AFDN: variants seen among roughly 807,000 people sequenced by gnomAD.
The protein encoded by AFDN is afadin, adherens junction formation factor, also known as afadin.
A neutral mutation model predicts 216.6 loss-of-function variants in AFDN; 68 were observed. The observed-to-expected ratio is 0.31, with a 90% confidence interval of 0.26 to 0.38. The LOEUF (loss-of-function observed/expected upper bound fraction) is 0.38. Ranked by LOEUF, AFDN falls within the 10% of genes least tolerant of loss-of-function variation. The pLI, the probability that AFDN is intolerant of heterozygous loss-of-function variation, is 1.00. For synonymous variants in AFDN, 868 were observed against 853.7 expected, an observed-to-expected ratio of 1.02 and a Z score of -0.29; for missense variants, 2,136 against 2,342.0, an observed-to-expected ratio of 0.91 and a Z score of 1.82.
In AFDN at chr6:167,827,033, G is replaced by C; in HGVS notation, c.-100G>C. The stretch of plus-strand genomic sequence containing the variant: ...GGCAGCCGCGGAGGCGGAGGCGGCC[G>C]GCGGGGGGTGGCGAGGGGCGCCGGG... On this transcript the variant is annotated 5_prime_UTR_variant, in exon 1 of 34. Coordinates refer to ENST00000683244, the MANE Select transcript of AFDN (RefSeq NM_001386888.1). 1.4e-5 allele frequency: 6 copies of C among 418,318 alleles called. No homozygotes were observed. The highest frequency in any genetic ancestry group is 1.6e-5 in the Non-Finnish European group (5 of 311,032). The allele number at this position is 418,318 out of a possible 1,614,324, so 25.9% of individuals were successfully genotyped here.
intron 1 of AFDN, among the ~76,000 whole-genome samples, chr6:167,834,450 T>C (rs1780175792): frequency 6.9e-6 from 1 of 143,954 alleles, no homozygotes; most frequent in African/African-American, 2.6e-5. Flanking sequence ...TTGTTGTTGT[T>C]GTTTCGGTTT....
intron 11 of AFDN, among the ~76,000 whole-genome samples, chr6:167,899,155 G>A (rs1400532958): frequency 2.6e-5 from 4 of 151,856 alleles, no homozygotes; most frequent in Non-Finnish European, 5.9e-5. Flanking sequence ...TTTGTTCTAC[G>A]GCATGCCTTT....
intron 20 of AFDN, among the ~76,000 whole-genome samples, chr6:167,917,760 C>T (rs1393743618): frequency 6.6e-6 from 1 of 152,112 alleles, no homozygotes; most frequent in East Asian, 1.9e-4. Flanking sequence ...ATGGATTGAC[C>T]AGCATTGAGT....
At chr6:167,946,094 G>T (rs528667581) in intron 26 of AFDN, among the ~76,000 whole-genome samples, 25 of 152,196 alleles carry the variant, frequency 1.6e-4, no homozygotes, top group Non-Finnish European at 3.1e-4. Context: ...ACAAAACCTC[G>T]TGTGGTATTG....
intron 23 of AFDN, among the ~76,000 whole-genome samples, chr6:167,926,859 CTATCCCCACTCCCAGACACA>C (rs1231744420): frequency 1.3e-5 from 2 of 152,166 alleles, no homozygotes; most frequent in African/African-American, 4.8e-5. Flanking sequence ...TTCTTTGTAG[CTATCCCCACTCCCAGACACA>C]GTCCCCAGCA....
chr6:167,901,950 G>C (rs936729632), intron 11 of AFDN, among the ~76,000 whole-genome samples: 1 of 151,872 alleles, frequency 6.6e-6, no homozygotes, highest in Non-Finnish European at 1.5e-5. Context: ...ATAATTAGCC[G>C]GGCATGGTGG....
intron 1 of AFDN, among the ~76,000 whole-genome samples, chr6:167,837,643 C>T (rs1321905800): frequency 3.9e-5 from 6 of 152,106 alleles, no homozygotes; most frequent in African/African-American, 7.2e-5. Flanking sequence ...TTTACGTTCT[C>T]CTGTGAGGTA....
chr6:167,913,504 A>C, intron 16 of AFDN, 81 bp downstream of exon 16: 1 of 1,319,966 alleles, frequency 7.6e-7, no homozygotes, highest in Non-Finnish European at 1.1e-6. Flanking sequence ...AATAAGTAAT[A>C]CAACAGCTGG....
At chr6:167,966,147 G>A in intron 32 of AFDN, 102 bp downstream of exon 32, 1 of 1,535,026 alleles carries the variant, frequency 6.5e-7, no homozygotes, top group African/African-American at 1.4e-5. Context: ...GGCCTCCGAT[G>A]GCGTCTTTCT....
At chr6:167,842,149 C>A (rs1781141762) in intron 1 of AFDN, among the ~76,000 whole-genome samples, 1 of 152,158 alleles carries the variant, frequency 6.6e-6, no homozygotes, top group Non-Finnish European at 1.5e-5. Flanking sequence ...TTGCTTCTAT[C>A]CCCAAAACAC....
At position 167,965,909 on chromosome 6, in the gene AFDN, G is replaced by A. The variant is rs1273267554; in HGVS notation, c.5121G>A (p.Ala1707=). ...RDYEPPSPSP[A]PGAPPPPPQR... ...ACGAGCCCCCGTCCCCGTCCCCCGC[G>A]CCCGGCGCCCCTCCTCCCCCGCCTC... is the stretch of plus-strand genomic sequence containing the variant. The change falls in exon 32 of 34, where the codon GCG becomes GCA. Residue 1707 remains alanine, a synonymous_variant. Transcript: ENST00000683244. The A allele has an allele frequency of 3.3e-6, 5 of 1,512,724 alleles. No homozygotes were observed. The highest frequency in any genetic ancestry group is 3.6e-6 in the Non-Finnish European group (4 of 1,123,804). 93.7% of individuals were successfully genotyped at this position (1,512,724 alleles called of 1,614,324 possible). A position where few individuals can be genotyped will look rare whatever the true frequency, so the allele number is the denominator to read the frequency against.
At chr6:167,899,975 A>T (rs1359840498) in intron 11 of AFDN, among the ~76,000 whole-genome samples, 3 of 152,038 alleles carry the variant, frequency 2.0e-5, no homozygotes, top group African/African-American at 7.3e-5. Context: ...ACAATCTCCT[A>T]CTGTATTTTT....
chr6:167,834,458 T>G (rs981676481), intron 1 of AFDN, among the ~76,000 whole-genome samples: 14 of 7,382 alleles, frequency 1.9e-3, no homozygotes, highest in Non-Finnish European at 1.9e-3. Context: ...GTTGTTTCGG[T>G]TTTTTTTTTT....
chr6:167,966,313 G>C, intron 32 of AFDN: 1 of 1,419,974 alleles, frequency 7.0e-7, no homozygotes, highest in East Asian at 3.0e-5. Context: ...TTGTCTTAAT[G>C]ATTGGAACCT....
At position 167,892,347 on chromosome 6, in the gene AFDN, G is replaced by C. The variant is rs767594399; in HGVS notation, c.1177+1318G>C. On this transcript the variant is annotated intron_variant, in intron 8 of 33. Transcript: ENST00000683244. ...TGTCTATAATGTGTGTGAGAGCATT[G>C]ATGTTTGGTTGTCTGAGGTAATGAA... Among the ~76,000 whole-genome samples, 4 of 152,312 alleles carry C rather than the reference G, an allele frequency of 2.6e-5. No homozygotes were observed. The Middle Eastern group carries it at 0.01, about 389-fold the overall frequency.
chr6:167,907,931 A>T (rs1417972437), intron 13 of AFDN, among the ~76,000 whole-genome samples: 1 of 152,214 alleles, frequency 6.6e-6, no homozygotes, highest in Non-Finnish European at 1.5e-5. Flanking sequence ...GCAGAGTAAT[A>T]TCTTTGCATT....
intron 2 of AFDN, among the ~76,000 whole-genome samples, chr6:167,865,698 A>C (rs1275072890): frequency 6.6e-6 from 1 of 152,214 alleles, no homozygotes; most frequent in Non-Finnish European, 1.5e-5. Context: ...TTTTAATAAA[A>C]TACAGATTAC....
chr6:167,960,725 C>T (rs1019354305), intron 30 of AFDN, among the ~76,000 whole-genome samples: 3 of 152,162 alleles, frequency 2.0e-5, no homozygotes, highest in African/African-American at 7.2e-5. Context: ...TTTGCTCTGG[C>T]CCCTGGTGCA....
intron 1 of AFDN, among the ~76,000 whole-genome samples, chr6:167,853,854 A>G (rs1460487537): frequency 6.6e-6 from 1 of 152,076 alleles, no homozygotes; most frequent in Non-Finnish European, 1.5e-5. Flanking sequence ...CACTCAGTGA[A>G]TATACGAGAA....
Sources: allele counts gnomAD v4.1 joint callset (sites outside exome capture counted in the v4.1 genomes callset), GRCh38; gene constraint gnomAD v4.1.1; transcripts MANE v1.5; gene names NCBI Gene and HGNC (gene_info 2026-07-23, HGNC 2026-07-21).